STIM2: variants seen among roughly 807,000 people sequenced by gnomAD.
STIM2 encodes stromal interaction molecule 2.
In STIM2, 31 loss-of-function variants were observed where a neutral mutation model predicts 85.8. The observed-to-expected ratio is 0.36, with a 90% CI of 0.27 to 0.49. STIM2 has a LOEUF of 0.49. STIM2 is among the 20% of genes least tolerant of loss of function. The pLI, the probability that STIM2 is intolerant of heterozygous loss-of-function variation, is 0.98. For synonymous variants in STIM2, 356 were observed against 331.1 expected (o/e 1.08, Z -0.82); for missense variants, 841 against 927.6 (o/e 0.91, Z 1.21).
intron 1 of STIM2, among the ~76,000 whole-genome samples, chr4:26,918,044 TTATA>T (rs1200655698): frequency 2.0e-5 from 3 of 152,242 alleles, no homozygotes; most frequent in African/African-American, 7.2e-5. Context: ...GTACACGTAT[TTATA>T]TATCACACAG....
intron 2 of STIM2, among the ~76,000 whole-genome samples, chr4:26,937,988 G>A (rs1394812315): frequency 6.6e-6 from 1 of 151,504 alleles, no homozygotes; most frequent in Non-Finnish European, 1.5e-5. Flanking sequence ...GTGATTTTTT[G>A]TCTTTTTTTC....
In STIM2 at chr4:26,861,064, C is replaced by G. The variant is rs936348960; in HGVS notation, c.-155C>G. 4.5e-5 allele frequency: 53 copies of G among 1,184,780 alleles called. No individual in the cohort carries two copies. Among genetic ancestry groups the G allele is most frequent in the Non-Finnish European group, 5.4e-5 (52 of 960,438 alleles). The allele number at this position is 1,184,780 out of a possible 1,614,324, so 73.4% of individuals were successfully genotyped here. A position where few individuals can be genotyped will look rare whatever the true frequency, so the allele number is the denominator to read the frequency against. On this transcript the variant is annotated 5_prime_UTR_variant, in exon 1 of 12. Coordinates refer to ENST00000467087, the MANE Select transcript of STIM2 (RefSeq NM_020860.4). ...AGGCGGCGGGGGCGGCCGGAGGAGTCGCCGGCGGCGGTGGTGGCGCCTCGC... is the reference window on the plus strand; with the variant it reads ...AGGCGGCGGGGGCGGCCGGAGGAGTGGCCGGCGGCGGTGGTGGCGCCTCGC...
intron 10 of STIM2, 136 bp from the exon 11 acceptor site, chr4:27,017,575 T>C (rs1415383411): frequency 3.4e-5 from 38 of 1,109,070 alleles, no homozygotes; most frequent in Non-Finnish European, 4.6e-5. Flanking sequence ...TGGTAATAAC[T>C]GTACAGTAAC....
At chr4:26,959,196 CCTT>C (rs1553850961) in intron 3 of STIM2, among the ~76,000 whole-genome samples, 1 of 152,136 alleles carries the variant, frequency 6.6e-6, no homozygotes, top group Non-Finnish European at 1.5e-5. Context: ...ACATGTTCTG[CCTT>C]CTGTTTCCAC....
In STIM2 at chr4:26,885,867, A is replaced by G. The variant is rs866623012; in HGVS notation, c.151+24498A>G. On this transcript the variant is annotated intron_variant, in intron 1 of 11. Transcript: ENST00000467087. ...TATATATATATATATATATATATAT[A>G]TATATATGTATATGTCTATTCATGT... Among the ~76,000 whole-genome samples, 526 of 112,480 alleles carry G rather than the reference A, an allele frequency of 4.7e-3. 9 individuals are homozygous for G. Among genetic ancestry groups the G allele is most frequent in the South Asian group, 0.025 (86 of 3,436 alleles). The allele number at this position is 112,480 out of a possible 152,430, so 73.8% of individuals were successfully genotyped here. A position where few individuals can be genotyped will look rare whatever the true frequency, so the allele number is the denominator to read the frequency against.
intron 3 of STIM2, among the ~76,000 whole-genome samples, chr4:26,958,214 A>C (rs1360921859): frequency 6.6e-6 from 1 of 152,110 alleles, no homozygotes; most frequent in Admixed American, 6.6e-5. Flanking sequence ...TTAAGTTCTC[A>C]AGGTGTATTA....
At chr4:26,912,363 ATAT>A (rs1724376917) in intron 1 of STIM2, among the ~76,000 whole-genome samples, 1 of 152,162 alleles carries the variant, frequency 6.6e-6, no homozygotes, top group South Asian at 2.1e-4. Context: ...GACTTAAATA[ATAT>A]TATAGGAGGG....
chr4:26,882,292 G>A (rs1477973935), intron 1 of STIM2, among the ~76,000 whole-genome samples: 1 of 151,926 alleles, frequency 6.6e-6, no homozygotes, highest in African/African-American at 2.4e-5. Context: ...GTTAATTGTG[G>A]TTTCATTTTT....
At chr4:26,862,859 T>C (rs981691117) in intron 1 of STIM2, among the ~76,000 whole-genome samples, 8 of 152,140 alleles carry the variant, frequency 5.3e-5, no homozygotes, top group Admixed American at 1.3e-4. Context: ...ATTAGGAAAG[T>C]TGATAAATAA....
chr4:26,996,081 T>A (rs1248173920), intron 4 of STIM2, among the ~76,000 whole-genome samples: 1 of 152,008 alleles, frequency 6.6e-6, no homozygotes, highest in Non-Finnish European at 1.5e-5. Flanking sequence ...AAGTTAAACA[T>A]TTTGCCCAAG....
intron 1 of STIM2, among the ~76,000 whole-genome samples, chr4:26,912,715 C>G (rs1180647639): frequency 1.3e-5 from 2 of 152,192 alleles, no homozygotes; most frequent in Non-Finnish European, 2.9e-5. Flanking sequence ...TCCCCACTAT[C>G]ATTTCTATAG....
chr4:26,864,491 A>C (rs940171713), intron 1 of STIM2, among the ~76,000 whole-genome samples: 1 of 152,140 alleles, frequency 6.6e-6, no homozygotes, highest in African/African-American at 2.4e-5. Context: ...AGGGAAACAA[A>C]CAAACAAAAA....
At chr4:26,874,409 C>T (rs1259380148) in intron 1 of STIM2, 4 of 213,240 alleles carry the variant, frequency 1.9e-5, no homozygotes, top group South Asian at 7.5e-5. Context: ...GTCTGCCCGA[C>T]GCCAAGTACT....
intron 3 of STIM2, among the ~76,000 whole-genome samples, chr4:26,962,425 C>T (rs566224631): frequency 1.3e-5 from 2 of 152,264 alleles, no homozygotes; most frequent in South Asian, 4.1e-4. Flanking sequence ...TATTTACCAG[C>T]ATTGTGTGCA....
At position 26,976,274 on chromosome 4, in the gene STIM2, A is replaced by G. The variant is rs568293053; in HGVS notation, c.397+18548A>G. 3.9e-5 allele frequency among the ~76,000 whole-genome samples: 6 copies of G among 151,948 alleles called. No homozygotes were observed. The South Asian group carries it at 6.2e-4, about 16-fold the overall frequency. ...TGCACACGTTGCCCAGCCAGTCCCA[A>G]TGAGATGAACCAGGTACCTATTGGA... On this transcript the variant is annotated intron_variant, in intron 3 of 11. Coordinates refer to ENST00000467087, the MANE Select transcript of STIM2 (RefSeq NM_020860.4).
intron 1 of STIM2, among the ~76,000 whole-genome samples, chr4:26,908,644 C>T (rs561195467): frequency 1.1e-4 from 16 of 152,244 alleles, no homozygotes; most frequent in Admixed American, 1.3e-4. Flanking sequence ...CTACCACGCC[C>T]GGCTCATTTT....
chr4:26,934,341 A>G (rs1422200320), intron 2 of STIM2, among the ~76,000 whole-genome samples: 5 of 152,234 alleles, frequency 3.3e-5, no homozygotes, highest in African/African-American at 1.2e-4. Flanking sequence ...TTTGGAGACC[A>G]CTGTGCTAAT....
intron 1 of STIM2, among the ~76,000 whole-genome samples, chr4:26,906,465 C>T (rs1724130434): frequency 7.4e-6 from 1 of 135,076 alleles, no homozygotes; most frequent in Non-Finnish European, 1.6e-5. Flanking sequence ...TTTTGAAAAG[C>T]TATTGCAGAG....
intron 2 of STIM2, among the ~76,000 whole-genome samples, chr4:26,952,515 G>A (rs1463163287): frequency 2.0e-5 from 3 of 152,008 alleles, no homozygotes; most frequent in Non-Finnish European, 2.9e-5. Context: ...CACTTCATGT[G>A]AAATAAAGAA....
Sources: allele counts gnomAD v4.1 joint callset (sites outside exome capture counted in the v4.1 genomes callset), GRCh38; gene constraint gnomAD v4.1.1; transcripts MANE v1.5; gene names NCBI Gene and HGNC (gene_info 2026-07-23, HGNC 2026-07-21).